ASAP1: variants seen among roughly 807,000 people sequenced by gnomAD.
ASAP1 encodes the protein ArfGAP with SH3 domain, ankyrin repeat and PH domain 1.
ASAP1 carries 43 observed loss-of-function variants against 145.2 expected under a neutral mutation model. The ratio of observed to expected loss-of-function variants is 0.30; its 90% CI spans 0.23 to 0.38. The LOEUF (loss-of-function observed/expected upper bound fraction) is 0.38. Ranked by LOEUF, ASAP1 falls within the 10% of genes least tolerant of loss-of-function variation. ASAP1 has a pLI of 1.00. For missense variants in ASAP1, 1,018 were observed against 1,355.3 expected, an observed-to-expected ratio of 0.75 and a Z score of 3.91; for synonymous variants, 546 against 515.5, an observed-to-expected ratio of 1.06 and a Z score of -0.80.
intron 9 of ASAP1, among the ~76,000 whole-genome samples, chr8:130,172,656 T>TA (rs1183481999): frequency 2.0e-5 from 3 of 152,180 alleles, no homozygotes; most frequent in Admixed American, 2.0e-4. Context: ...ATGTAGATGG[T>TA]AAAGAGTATG....
intron 25 of ASAP1, 119 bp from the exon 26 acceptor site, chr8:130,080,090 C>G: frequency 1.2e-6 from 1 of 847,948 alleles, no homozygotes; most frequent in Admixed American, 2.2e-5. Flanking sequence ...TTAAAAGACC[C>G]AAGCCAAAAC....
intron 2 of ASAP1, among the ~76,000 whole-genome samples, chr8:130,395,847 G>A (rs963277484): frequency 6.6e-6 from 1 of 152,056 alleles, no homozygotes; most frequent in African/African-American, 2.4e-5. Flanking sequence ...TGTATTTTTA[G>A]TAGAGATGGG....
At chr8:130,150,730 A>G (rs1007434647) in intron 13 of ASAP1, among the ~76,000 whole-genome samples, 2 of 152,100 alleles carry the variant, frequency 1.3e-5, no homozygotes, top group Non-Finnish European at 2.9e-5. Context: ...AAATACCAAA[A>G]TTAGCTGGGC....
chr8:130,208,588 A>T (rs1816379173), intron 5 of ASAP1: 1 of 152,104 alleles, frequency 6.6e-6, no homozygotes, highest in Non-Finnish European at 1.5e-5. Flanking sequence ...TTACAGGGGT[A>T]TAAAGAACGT....
In ASAP1 at chr8:130,237,903, C is replaced by T. The variant is rs77896596; in HGVS notation, c.187-909G>A. 1.7e-3 allele frequency among the ~76,000 whole-genome samples: 259 copies of T among 152,112 alleles called. 7 individuals carry two copies. In the East Asian group the frequency reaches 0.044, roughly 26 times the overall value. On this transcript the variant is annotated intron_variant, in intron 3 of 29. Coordinates refer to ENST00000518721, the MANE Select transcript of ASAP1 (RefSeq NM_018482.4). ...AAGGGCCTCTGGTCTGCTTGGGAAC[C>T]CCTAGATGATATGTCAAGATTTGGA...
At chr8:130,129,081 A>G (rs1478502487) in intron 15 of ASAP1, among the ~76,000 whole-genome samples, 2 of 152,106 alleles carry the variant, frequency 1.3e-5, no homozygotes, top group African/African-American at 2.4e-5. Flanking sequence ...TGATGGTTTT[A>G]TAAGGGGCTC....
chr8:130,278,677 CTAAT>C (rs1437796167), intron 3 of ASAP1, among the ~76,000 whole-genome samples: 6 of 152,166 alleles, frequency 3.9e-5, no homozygotes, highest in African/African-American at 1.2e-4. Context: ...GAAAAAAACT[CTAAT>C]TAATTCCTGG....
chr8:130,158,295 A>T (rs2097661975), intron 12 of ASAP1, among the ~76,000 whole-genome samples: 1 of 151,338 alleles, frequency 6.6e-6, no homozygotes, highest in Non-Finnish European at 1.5e-5. Flanking sequence ...GAATTTCTTG[A>T]GGCCAGGAGT....
At chr8:130,081,682 C>T (rs1210492499) in intron 25 of ASAP1, among the ~76,000 whole-genome samples, 1 of 152,176 alleles carries the variant, frequency 6.6e-6, no homozygotes, top group Admixed American at 6.5e-5. Flanking sequence ...GCCTTCCTTC[C>T]TCACAGCATG....
At chr8:130,278,053 T>C (rs1222303359) in intron 3 of ASAP1, among the ~76,000 whole-genome samples, 1 of 147,040 alleles carries the variant, frequency 6.8e-6, no homozygotes, top group Non-Finnish European at 1.5e-5. Context: ...AGAGACCTAA[T>C]AAGTGTGTTG....
At chr8:130,374,349 A>ATTAT (rs1183050858) in intron 2 of ASAP1, among the ~76,000 whole-genome samples, 6 of 152,232 alleles carry the variant, frequency 3.9e-5, no homozygotes. Context: ...TACTAAAAAT[A>ATTAT]TTATTTCTCT....
intron 15 of ASAP1, 23 bp from the exon 16 acceptor site, chr8:130,128,113 A>G: frequency 7.0e-7 from 1 of 1,421,928 alleles, no homozygotes; most frequent in Non-Finnish European, 9.3e-7. Flanking sequence ...ACATAAGAGG[A>G]AAAAAGTCTT....
At chr8:130,273,844 C>T (rs1253754101) in intron 3 of ASAP1, among the ~76,000 whole-genome samples, 1 of 152,166 alleles carries the variant, frequency 6.6e-6, no homozygotes, top group African/African-American at 2.4e-5. Context: ...TAACATCCGC[C>T]ACATAGATAA....
chr8:130,118,879 A>G (rs2097560829), intron 18 of ASAP1: 1 of 314,156 alleles, frequency 3.2e-6, no homozygotes, highest in Non-Finnish European at 5.7e-6. Flanking sequence ...TATACAAGTA[A>G]TAGATATAGT....
intron 9 of ASAP1, among the ~76,000 whole-genome samples, chr8:130,172,096 T>C (rs1005145709): frequency 6.6e-6 from 1 of 152,192 alleles, no homozygotes; most frequent in Non-Finnish European, 1.5e-5. Context: ...AGTTTGCTCA[T>C]GTGTAAATGG....
At position 130,116,993 on chromosome 8, in the gene ASAP1, C is replaced by A; in HGVS notation, c.1883G>T (p.Gly628Val). 1 of 1,596,898 alleles carries A rather than the reference C, an allele frequency of 6.3e-7. No individual in the cohort carries two copies. The highest frequency in any genetic ancestry group is 1.1e-5 in the South Asian group (1 of 87,674). ...CAGGGCCGTCTGCTTATCCAGGTTCCCACTGAAAAATTAGATGATGATTAG... is the reference window on the plus strand; with the variant it reads ...CAGGGCCGTCTGCTTATCCAGGTTCACACTGAAAAATTAGATGATGATTAG... ...HLVDFLVQNC[G>V]NLDKQTALGN... The change falls in exon 21 of 30, where the codon GGG (glycine) becomes GTG (valine). Residue 628 changes from glycine to valine, a missense_variant and splice_region_variant. By Grantham distance (109) the Gly-to-Val change is moderately radical (BLOSUM62 -3). Around this residue, in one of 9 missense-constraint regions of ASAP1, gnomAD observed 353 missense variants for 375.4 expected, o/e 0.94. Coordinates refer to ENST00000518721, the MANE Select transcript of ASAP1 (RefSeq NM_018482.4).
chr8:130,106,108 G>C (rs568254187), intron 24 of ASAP1, among the ~76,000 whole-genome samples: 11 of 152,286 alleles, frequency 7.2e-5, no homozygotes, highest in South Asian at 6.2e-4. Flanking sequence ...CTCTGGGCCA[G>C]CACTAGGTGA....
intron 3 of ASAP1, among the ~76,000 whole-genome samples, chr8:130,353,674 A>C (rs1284830386): frequency 6.6e-6 from 1 of 152,176 alleles, no homozygotes. Flanking sequence ...GTTTGAGACC[A>C]GCCTGGCCAA....
intron 17 of ASAP1, 84 bp from the exon 18 acceptor site, chr8:130,124,188 T>C: frequency 1.0e-6 from 1 of 956,310 alleles, no homozygotes; most frequent in Non-Finnish European, 1.6e-6. Flanking sequence ...TTTTGAGATT[T>C]ATGAATATGT....
Sources: allele counts gnomAD v4.1 joint callset (sites outside exome capture counted in the v4.1 genomes callset), GRCh38; gene constraint gnomAD v4.1.1; regional missense constraint gnomAD v4.1.1; transcripts MANE v1.5; gene names NCBI Gene and HGNC (gene_info 2026-07-23, HGNC 2026-07-21).